Variants in DOCK8 observed in about 807,000 individuals in gnomAD.
The protein encoded by DOCK8 is dedicator of cytokinesis protein 8.
In DOCK8, 141 loss-of-function variants were observed where a neutral mutation model predicts 245.6. The observed-to-expected ratio is 0.57, with a 90% CI of 0.50 to 0.66. The LOEUF is 0.66. DOCK8 is among the 30% of genes least tolerant of loss of function. The pLI, the probability that DOCK8 is intolerant of heterozygous loss-of-function variation, is 0.00. For synonymous variants in DOCK8, 1,168 were observed against 970.2 expected (o/e 1.20, Z -3.79); for missense variants, 2,965 against 2,603.4 (o/e 1.14, Z -3.02).
At chr9:327,915 T>C in intron 8 of DOCK8, 107 bp from the exon 9 acceptor site, 2 of 1,046,200 alleles carry the variant, frequency 1.9e-6, no homozygotes, top group Non-Finnish European at 3.0e-6. Flanking sequence ...TTATTACACT[T>C]ACTCCTTCAG....
rs767498828 is a variant in DOCK8, at chr9:420,358, G to C, written c.3841-43G>C. 2.5e-6 allele frequency: 4 copies of C among 1,611,906 alleles called. No homozygotes were observed. In the South Asian group the frequency reaches 4.4e-5, roughly 18 times the overall value. On this transcript the variant is annotated intron_variant, in intron 30 of 47. Transcript: ENST00000432829. The stretch of plus-strand genomic sequence containing the variant: ...TAAGCCTCAAATTTTTCTGTTGCTT[G>C]ACTTCTTCCCTGGCCTCCATCCCCC...
chr9:382,782 C>T lies in DOCK8; in HGVS notation c.2778+97C>T. 4.7e-6 allele frequency: 7 copies of T among 1,482,572 alleles called. No individual in the cohort carries two copies. In the South Asian group the frequency reaches 4.8e-5, roughly 10 times the overall value. The allele number at this position is 1,482,572 out of a possible 1,614,324, so 91.8% of individuals were successfully genotyped here. A position where few individuals can be genotyped will look rare whatever the true frequency, so the allele number is the denominator to read the frequency against. Reference sequence around the variant, plus strand: ...CACAGAAGCAACCACTACTGCTGCCCACCATGCTGGTCGGATGCTTTAATG... The same window carrying T: ...CACAGAAGCAACCACTACTGCTGCCTACCATGCTGGTCGGATGCTTTAATG... On this transcript the variant is annotated intron_variant, in intron 22 of 47. Transcript: ENST00000432829.
chr9:377,175 C>G lies in DOCK8; in HGVS notation c.2404C>G (p.Leu802Val), dbSNP rs1198008740. ...CCTGGTGCTGGACAAGCTCTTCCAG[C>G]TGTCCGTGCAGCCCATGGTCATCGC... ...LHLVLDKLFQ[L>V]SVQPMVIAGQ... The change falls in exon 20 of 48, where the codon CTG (leucine) becomes GTG (valine). Residue 802 changes from leucine (L) to valine (V), a missense_variant. By Grantham distance (32) the Leu-to-Val change is conservative (BLOSUM62 1). Coordinates refer to ENST00000432829, the MANE Select transcript of DOCK8 (RefSeq NM_203447.4). 1 of 1,602,538 alleles carries G rather than the reference C, an allele frequency of 6.2e-7. No homozygotes were observed. The highest frequency in any genetic ancestry group is 1.1e-5 in the South Asian group (1 of 90,528).
intron 6 of DOCK8, chr9:312,827 A>C: frequency 4.7e-6 from 1 of 214,830 alleles, no homozygotes. Flanking sequence ...CTTATACTGT[A>C]TAGGAGGCTC....
intron 5 of DOCK8, among the ~76,000 whole-genome samples, chr9:310,464 T>A (rs2050047938): frequency 6.6e-6 from 1 of 152,250 alleles, no homozygotes; most frequent in Non-Finnish European, 1.5e-5. Flanking sequence ...ATAATTTATT[T>A]ACTTATTTTT....
rs773576299 is a variant in DOCK8 at position 418,141 on chromosome 9, T to G, written c.3774T>G (p.Asn1258Lys). 5.0e-6 allele frequency: 8 copies of G among 1,614,230 alleles called. No homozygotes were observed. Among genetic ancestry groups the G allele is most frequent in the Middle Eastern group, 1.6e-4 (1 of 6,062 alleles). Residue 1258 changes from asparagine (N) to lysine (K), a missense_variant, in exon 30 of 48, where the codon AAT becomes AAG. By Grantham distance (94) the Asn-to-Lys change is moderately conservative. Around this residue, in one of 3 missense-constraint regions of DOCK8, gnomAD observed 2,825 missense variants for 2,453.5 expected, o/e 1.15. Coordinates refer to ENST00000432829, the MANE Select transcript of DOCK8 (RefSeq NM_203447.4). ...EQEGAGAINQ[N>K]VALAIAGNNF... ...AAGGAGCCGGTGCCATTAACCAGAA[T>G]GTGGCTCTGGCCATAGCAGGGAATA...
intron 1 of DOCK8, among the ~76,000 whole-genome samples, chr9:240,741 G>A (rs1287638525): frequency 1.3e-5 from 2 of 152,002 alleles, no homozygotes; most frequent in African/African-American, 4.8e-5. Context: ...TTAGACTCTG[G>A]GGATTTGGAA....
chr9:419,210 C>G (rs7853771), intron 30 of DOCK8, among the ~76,000 whole-genome samples: 74,804 of 152,098 alleles, frequency 0.49, 19,283 homozygotes, highest in Non-Finnish European at 0.58. Flanking sequence ...AAAGCAGCAT[C>G]CTGACCTAAC....
In DOCK8 at chr9:214,893, A is replaced by G. The variant is rs1264005065; in HGVS notation, c.-84A>G. 1 of 1,602,860 alleles carries G rather than the reference A, an allele frequency of 6.2e-7. No individual in the cohort carries two copies. Among genetic ancestry groups the G allele is most frequent in the Non-Finnish European group, 8.5e-7 (1 of 1,175,454 alleles). On this transcript the variant is annotated 5_prime_UTR_variant, in exon 1 of 48. An upstream start codon of the reference 5' UTR is lost. Coordinates refer to ENST00000432829, the MANE Select transcript of DOCK8 (RefSeq NM_203447.4). ...AGACGAGGTTTGCGCTTGGCTGGGC[A>G]TGTTCCGCGGCTACTCTGCGGCGCG...
chr9:246,029 G>A (rs1037902620), intron 1 of DOCK8, among the ~76,000 whole-genome samples: 2 of 152,122 alleles, frequency 1.3e-5, no homozygotes, highest in Non-Finnish European at 2.9e-5. Flanking sequence ...AGACCAACCT[G>A]GGCAACATGG....
At chr9:355,538 A>T (rs545947647) in intron 14 of DOCK8, among the ~76,000 whole-genome samples, 82 of 151,226 alleles carry the variant, frequency 5.4e-4, no homozygotes, top group African/African-American at 2.0e-3. Context: ...GCAATGCATC[A>T]CTCTCTAATA....
At chr9:399,313 A>G (rs2054628303) in intron 26 of DOCK8, 54 bp downstream of exon 26, 7 of 1,197,338 alleles carry the variant, frequency 5.8e-6, no homozygotes, top group Non-Finnish European at 8.1e-6. Flanking sequence ...TCCTTCTCAT[A>G]TAATGTGATG....
Position 331,138 on chromosome 9 carries a change from G to A in DOCK8, c.1045-1260G>A, listed in dbSNP as rs928898776. On this transcript the variant is annotated intron_variant, in intron 9 of 47. Coordinates refer to ENST00000432829, the MANE Select transcript of DOCK8 (RefSeq NM_203447.4). ...ATTTGTTCTACAAGCTCCTGACTAT[G>A]AGCTTCAGGAGAATGGGGGCAGTGT... 5.3e-5 allele frequency among the ~76,000 whole-genome samples: 8 copies of A among 152,288 alleles called. No homozygotes were observed. The South Asian group carries it at 8.3e-4, about 16-fold the overall frequency.
chr9:445,841 G>A (rs946380671), intron 43 of DOCK8, among the ~76,000 whole-genome samples: 1 of 152,176 alleles, frequency 6.6e-6, no homozygotes, highest in Non-Finnish European at 1.5e-5. Flanking sequence ...TGGGGTTGCT[G>A]GGTCCAATGG....
At chr9:285,081 C>A (rs1285384470) in intron 2 of DOCK8, among the ~76,000 whole-genome samples, 1 of 151,946 alleles carries the variant, frequency 6.6e-6, no homozygotes, top group Admixed American at 6.6e-5. Flanking sequence ...ACATGTACCC[C>A]CAAACCTAAA....
chr9:214,295 C>A (rs780606578), upstream of DOCK8: 3 of 542,318 alleles, frequency 5.5e-6, no homozygotes, highest in African/African-American at 2.0e-5. Flanking sequence ...CGGAGAAAAG[C>A]ATTCACGCCA....
rs376216149 is a variant in DOCK8 at position 336,535 on chromosome 9, T to G, written c.1286-47T>G. 1.1e-5 allele frequency: 18 copies of G among 1,613,452 alleles called. No individual in the cohort carries two copies. In the African/African-American group the frequency reaches 2.3e-4, roughly 20 times the overall value. ...TTGTGAAGTTAATAACTGCTGTGTG[T>G]TTGAACAGAAAGGCATACTTTGGAG... is the stretch of plus-strand genomic sequence containing the variant. On this transcript the variant is annotated intron_variant, in intron 11 of 47. Transcript: ENST00000432829.
At chr9:260,927 A>G (rs2047903480) in intron 1 of DOCK8, among the ~76,000 whole-genome samples, 1 of 152,144 alleles carries the variant, frequency 6.6e-6, no homozygotes, top group African/African-American at 2.4e-5. Context: ...CATTTGTGTA[A>G]ATAAAAATGT....
At chr9:340,411 A>C in intron 14 of DOCK8, 90 bp downstream of exon 14, 1 of 1,534,792 alleles carries the variant, frequency 6.5e-7, no homozygotes, top group African/African-American at 1.4e-5. Flanking sequence ...GCTTGAGCTC[A>C]GGAGTTTGAG....
Sources: allele counts gnomAD v4.1 joint callset (sites outside exome capture counted in the v4.1 genomes callset), GRCh38; gene constraint gnomAD v4.1.1; regional missense constraint gnomAD v4.1.1; transcripts MANE v1.5; gene names NCBI Gene and HGNC (gene_info 2026-07-23, HGNC 2026-07-21).